The following NPY2R variants were observed in gnomAD, a reference collection of about 807,000 sequenced individuals.
NPY2R encodes the protein neuropeptide Y receptor Y2.
In NPY2R, 17 loss-of-function variants were observed where a neutral mutation model predicts 22.3. The ratio of observed to expected loss-of-function variants is 0.76; its 90% CI spans 0.52 to 1.14. The LOEUF is 1.14. Among genes scored for constraint, NPY2R ranks in the 50% most tolerant of loss-of-function variants. The pLI is 0.00. For synonymous variants in NPY2R, 209 were observed against 183.4 expected (o/e 1.14, Z -1.13); for missense variants, 424 against 467.9 (o/e 0.91, Z 0.87).
At chr4:155,210,843 A>G (rs1380148117) in intron 1 of NPY2R, among the ~76,000 whole-genome samples, 1 of 152,192 alleles carries the variant, frequency 6.6e-6, no homozygotes, top group African/African-American at 2.4e-5. Flanking sequence ...GAAAGAGAAA[A>G]AAAAGTGAGA....
chr4:155,175,303 A>T, the NPY2R span, among the ~76,000 whole-genome samples: 2 of 152,176 alleles, frequency 1.3e-5, no homozygotes, highest in Non-Finnish European at 2.9e-5. Context: ...CACAGGGGAG[A>T]TACAGTCAGT....
chr4:155,198,531 A>G, the NPY2R span, among the ~76,000 whole-genome samples: 2 of 90,768 alleles, frequency 2.2e-5, no homozygotes, highest in African/African-American at 7.0e-5. Flanking sequence ...ATAAATATAT[A>G]TCAAATATCT....
At chr4:155,186,229 G>A in the NPY2R span, among the ~76,000 whole-genome samples, 2 of 152,092 alleles carry the variant, frequency 1.3e-5, no homozygotes, top group Non-Finnish European at 2.9e-5. Flanking sequence ...ACATGATTCT[G>A]CCTATATAAA....
At chr4:155,191,635 T>C in the NPY2R span, among the ~76,000 whole-genome samples, 1 of 151,896 alleles carries the variant, frequency 6.6e-6, no homozygotes, top group South Asian at 2.1e-4. Flanking sequence ...TGTAACTAAG[T>C]GGCAAACCCT....
At chr4:155,201,289 G>A in the NPY2R span, among the ~76,000 whole-genome samples, 2 of 152,048 alleles carry the variant, frequency 1.3e-5, no homozygotes, top group Admixed American at 6.5e-5. Context: ...GTTTCTGCCT[G>A]GGTCACACAG....
chr4:155,209,194 T>C (rs944740043), intron 1 of NPY2R, 125 bp downstream of exon 1: 5 of 152,260 alleles, frequency 3.3e-5, no homozygotes, highest in Admixed American at 3.3e-4. Context: ...CCTCCTCCTT[T>C]AGGCGGGAGG....
At chr4:155,180,517 A>G in the NPY2R span, among the ~76,000 whole-genome samples, 4 of 152,126 alleles carry the variant, frequency 2.6e-5, no homozygotes, top group East Asian at 7.7e-4. Context: ...TTGACAAGAT[A>G]ATTTTTACCA....
the NPY2R span, among the ~76,000 whole-genome samples, chr4:155,177,889 T>C: frequency 6.6e-6 from 1 of 151,996 alleles, no homozygotes; most frequent in Admixed American, 6.6e-5. Context: ...ACATTGGAGG[T>C]TAAGTTTCAC....
intron 1 of NPY2R, among the ~76,000 whole-genome samples, chr4:155,211,514 G>A (rs776748403): frequency 2.4e-4 from 36 of 152,140 alleles, no homozygotes; most frequent in Non-Finnish European, 3.8e-4. Flanking sequence ...GAAAAGCCTC[G>A]AATGTCAGGC....
In NPY2R at chr4:155,215,084, A is replaced by G; in HGVS notation, c.1145A>G (p.Ter382=). ...TCTTTCACAGAGGCTACCAATGTCT[A>G]AGGAAGCTGTGGTGTGAAAATGTAT... ...NDSFTEATNV[*] Residue 382 remains the stop codon, a stop_retained_variant, in exon 2 of 2, where the codon TAA becomes TGA. Coordinates refer to ENST00000329476, the MANE Select transcript of NPY2R (RefSeq NM_000910.4). 1.2e-6 allele frequency: 2 copies of G among 1,612,340 alleles called. No individual in the cohort carries two copies. Among genetic ancestry groups the G allele is most frequent in the Non-Finnish European group, 1.7e-6 (2 of 1,179,692 alleles).
At chr4:155,211,480 A>G (rs947118236) in intron 1 of NPY2R, among the ~76,000 whole-genome samples, 2 of 152,178 alleles carry the variant, frequency 1.3e-5, no homozygotes, top group African/African-American at 4.8e-5. Context: ...ATGAGGCCAG[A>G]GGGATATGCA....
chr4:155,215,217 T>G lies in NPY2R; in HGVS notation c.*132T>G. On this transcript the variant is annotated 3_prime_UTR_variant, in exon 2 of 2. Coordinates refer to ENST00000329476, the MANE Select transcript of NPY2R (RefSeq NM_000910.4). ...GATCTAAATGGAAGCATCTGCTGTT[T>G]AATTCCTGGAAAACTGGCTGGGCAG... 1.1e-6 allele frequency: 1 copy of G among 890,890 alleles called. No homozygotes were observed. Among genetic ancestry groups the G allele is most frequent in the Non-Finnish European group, 1.8e-6 (1 of 545,052 alleles). The allele number at this position is 890,890 out of a possible 1,614,324, so 55.2% of individuals were successfully genotyped here. A position where few individuals can be genotyped will look rare whatever the true frequency, so the allele number is the denominator to read the frequency against.
upstream of NPY2R, among the ~76,000 whole-genome samples, chr4:155,204,967 T>C (rs902912107): frequency 6.6e-6 from 1 of 151,986 alleles, no homozygotes; most frequent in African/African-American, 2.4e-5. Context: ...ACCACATATA[T>C]GAAAAATGGA....
chr4:155,214,758 G>A lies in NPY2R; in HGVS notation c.819G>A (p.Val273=). 6.2e-7 allele frequency: 1 copy of A among 1,614,084 alleles called. No homozygotes were observed. Among genetic ancestry groups the A allele is most frequent in the South Asian group, 1.1e-5 (1 of 91,086 alleles). ...AAACCACCAAAATGCTGGTGTGTGTGGTGGTGGTGTTTGCGGTCAGCTGGC... is the reference window on the plus strand; with the variant it reads ...AAACCACCAAAATGCTGGTGTGTGTAGTGGTGGTGTTTGCGGTCAGCTGGC... ...RQKTTKMLVC[V]VVVFAVSWLP... The change falls in exon 2 of 2, where the codon GTG becomes GTA. Residue 273 remains valine (V), a synonymous_variant. Coordinates refer to ENST00000329476, the MANE Select transcript of NPY2R (RefSeq NM_000910.4).
At chr4:155,196,313 A>C in the NPY2R span, among the ~76,000 whole-genome samples, 1 of 151,988 alleles carries the variant, frequency 6.6e-6, no homozygotes, top group South Asian at 2.1e-4. Flanking sequence ...GGAGGGAAGG[A>C]GAGGATAAAG....
chr4:155,209,945 G>A (rs2111037180), intron 1 of NPY2R, among the ~76,000 whole-genome samples: 1 of 152,096 alleles, frequency 6.6e-6, no homozygotes, highest in South Asian at 2.1e-4. Flanking sequence ...TCGGGTGGTG[G>A]GCTGCTGGGG....
the NPY2R span, among the ~76,000 whole-genome samples, chr4:155,194,901 T>C: frequency 5.9e-5 from 9 of 152,090 alleles, no homozygotes; most frequent in East Asian, 1.7e-3. Flanking sequence ...GCACCTGCTA[T>C]TTTCTGACTT....
rs867284773 is a variant in NPY2R, at chr4:155,213,936, G to A, written c.-4G>A. On this transcript the variant is annotated 5_prime_UTR_variant, in exon 2 of 2. Coordinates refer to ENST00000329476, the MANE Select transcript of NPY2R (RefSeq NM_000910.4). ...GTTGCAGGCCAAGTGGACCTGTACTGAAAATGGGTCCAATAGGTGCAGAGG... is the reference window on the plus strand; with the variant it reads ...GTTGCAGGCCAAGTGGACCTGTACTAAAAATGGGTCCAATAGGTGCAGAGG... The A allele has an allele frequency of 6.2e-7, 1 of 1,613,458 alleles. No individual in the cohort carries two copies.
the NPY2R span, among the ~76,000 whole-genome samples, chr4:155,179,670 C>T: frequency 6.6e-6 from 1 of 152,186 alleles, no homozygotes; most frequent in Non-Finnish European, 1.5e-5. Flanking sequence ...CTTATGTTGG[C>T]TCATGCGAGC....
Sources: gnomAD v4.1 joint callset for allele counts (sites outside exome capture counted in the v4.1 genomes callset) on GRCh38, gnomAD v4.1.1 for gene constraint, MANE v1.5 for transcripts, NCBI Gene and HGNC (gene_info 2026-07-23, HGNC 2026-07-21) for gene names.